Variants in ADAM7 observed in about 807,000 individuals in gnomAD.
The protein encoded by ADAM7 is disintegrin and metalloproteinase domain-containing protein 7.
A neutral mutation model predicts 102.9 loss-of-function variants in ADAM7; 97 were observed. That is an observed-to-expected ratio of 0.94 (90% confidence interval 0.80 to 1.12). The LOEUF is 1.12. Ranked by LOEUF, ADAM7 falls within the 50% of genes most tolerant of loss-of-function variation. The probability of loss-of-function intolerance (pLI) is 0.00; values close to 1 mark genes in which losing one functional copy is unlikely to be tolerated. For synonymous variants in ADAM7, 334 were observed against 304.4 expected, an observed-to-expected ratio of 1.10 and a Z score of -1.01; for missense variants, 991 against 908.7, an observed-to-expected ratio of 1.09 and a Z score of -1.16.
intron 8 of ADAM7, among the ~76,000 whole-genome samples, chr8:24,476,929 C>T (rs1488804806): frequency 6.6e-6 from 1 of 152,040 alleles, no homozygotes; most frequent in Non-Finnish European, 1.5e-5. Context: ...CTTAATTTGT[C>T]TAAATTAGAA....
intron 7 of ADAM7, among the ~76,000 whole-genome samples, chr8:24,473,106 G>A (rs904290585): frequency 6.6e-6 from 1 of 152,016 alleles, no homozygotes; most frequent in Non-Finnish European, 1.5e-5. Flanking sequence ...CCTCAGATTC[G>A]TTTAGTGGCA....
At chr8:24,499,740 CAGTT>C (rs909328647) in intron 17 of ADAM7, among the ~76,000 whole-genome samples, 2 of 151,832 alleles carry the variant, frequency 1.3e-5, no homozygotes, top group Non-Finnish European at 1.5e-5. Flanking sequence ...CAATTACTAA[CAGTT>C]AGTGCCTAAC....
At position 24,506,283 on chromosome 8, in the gene ADAM7, G is replaced by A. The variant is rs909852697; in HGVS notation, c.2209-1197G>A. 52 of 743,998 alleles carry A rather than the reference G, an allele frequency of 7.0e-5. No individual in the cohort carries two copies. The East Asian group carries it at 8.8e-4, about 13-fold the overall frequency. The allele number at this position is 743,998 out of a possible 1,614,324, so 46.1% of individuals were successfully genotyped here. A position where few individuals can be genotyped will look rare whatever the true frequency, so the allele number is the denominator to read the frequency against. On this transcript the variant is annotated intron_variant, in intron 20 of 21. Coordinates refer to ENST00000175238, the MANE Select transcript of ADAM7 (RefSeq NM_003817.4). ...ATATAACATCGATAGCTCTCTGATC[G>A]GAGGTAGAAATGGGACACTCTGACA...
chr8:24,491,806 A>T, intron 13 of ADAM7, 97 bp from the exon 14 acceptor site: 1 of 1,033,870 alleles, frequency 9.7e-7, no homozygotes, highest in Non-Finnish European at 1.4e-6. Context: ...CATCCTTAAA[A>T]CCTTTTTTGG....
chr8:24,496,307 G>A (rs1820550835), intron 16 of ADAM7, among the ~76,000 whole-genome samples: 1 of 152,252 alleles, frequency 6.6e-6, no homozygotes, highest in African/African-American at 2.4e-5. Flanking sequence ...AAAGTTTGCT[G>A]CAGGGGCGGG....
At chr8:24,500,998 T>C in intron 19 of ADAM7, 103 bp downstream of exon 19, 1 of 936,016 alleles carries the variant, frequency 1.1e-6, no homozygotes, top group Non-Finnish European at 1.6e-6. Context: ...TATAAGCTTC[T>C]TACTGAAGAT....
In ADAM7 at chr8:24,466,790, T is replaced by A; in HGVS notation, c.390-9T>A. 3 of 1,607,334 alleles carry A rather than the reference T, an allele frequency of 1.9e-6. No homozygotes were observed. Among genetic ancestry groups the A allele is most frequent in the Non-Finnish European group, 2.5e-6 (3 of 1,177,804 alleles). On this transcript the variant is annotated splice_polypyrimidine_tract_variant and intron_variant, in intron 5 of 21. Transcript: ENST00000175238. ...CCTTGAATACAAATTGTGTTCCCAA[T>A]TTCTACAGGGGATTCTTCAGAATAA...
rs546509605 is a variant in ADAM7, at chr8:24,458,848, T to A, written c.234-5034T>A. Among the ~76,000 whole-genome samples, 7 of 152,196 alleles carry A rather than the reference T, an allele frequency of 4.6e-5. No homozygotes were observed. In the East Asian group the frequency reaches 1.2e-3, roughly 25 times the overall value. ...GTTTTTTGCAAGTATTCTGTCTGAA[T>A]CCATTGAAATGTCGATATGGCAGTG... is the stretch of plus-strand genomic sequence containing the variant. On this transcript the variant is annotated intron_variant, in intron 3 of 21. Coordinates refer to ENST00000175238, the MANE Select transcript of ADAM7 (RefSeq NM_003817.4).
chr8:24,492,193 T>C, intron 14 of ADAM7, 95 bp downstream of exon 14: 6 of 1,210,656 alleles, frequency 5.0e-6, no homozygotes, highest in South Asian at 3.0e-5. Flanking sequence ...AGATATAATG[T>C]CATTTGTGGC....
intron 12 of ADAM7, among the ~76,000 whole-genome samples, chr8:24,489,959 C>T (rs951344287): frequency 1.3e-5 from 2 of 152,128 alleles, no homozygotes; most frequent in Non-Finnish European, 2.9e-5. Context: ...AGATGAATCA[C>T]CAGGGGACAT....
Position 24,487,297 on chromosome 8 carries a change from C to T in ADAM7, c.1071C>T (p.Cys357=), listed in dbSNP as rs762131594. The T allele has an allele frequency of 5.7e-5, 92 of 1,613,326 alleles. No homozygotes were observed. Among genetic ancestry groups the T allele is most frequent in the Non-Finnish European group, 7.2e-5 (85 of 1,179,652 alleles). Residue 357 remains cysteine, a synonymous_variant, in exon 11 of 22, where the codon TGC becomes TGT. Transcript: ENST00000175238. ...EFPCTCPSGK[C]VMDSDGSIPA... Reference sequence around the variant, plus strand: ...CATGCACCTGTCCTTCAGGAAAATGCGTGATGGACAGTGATGGAAGGTGAG... The same window carrying T: ...CATGCACCTGTCCTTCAGGAAAATGTGTGATGGACAGTGATGGAAGGTGAG...
chr8:24,456,868 G>A (rs1819054573), intron 3 of ADAM7, among the ~76,000 whole-genome samples: 3 of 152,136 alleles, frequency 2.0e-5, no homozygotes, highest in South Asian at 4.2e-4. Flanking sequence ...TAGACATGTG[G>A]GCTGTTTTCA....
chr8:24,483,371 A>C (rs538415734), intron 9 of ADAM7, among the ~76,000 whole-genome samples: 5 of 152,182 alleles, frequency 3.3e-5, no homozygotes, highest in Non-Finnish European at 7.3e-5. Context: ...TCTCTTCTGA[A>C]GCCCTTAAAG....
At chr8:24,502,824 A>G (rs1366801637) in intron 20 of ADAM7, among the ~76,000 whole-genome samples, 2 of 152,088 alleles carry the variant, frequency 1.3e-5, no homozygotes, top group African/African-American at 4.8e-5. Flanking sequence ...TTCTACATAA[A>G]CTTTCCAGAT....
chr8:24,508,362 G>A (rs1402096231), intron 21 of ADAM7, among the ~76,000 whole-genome samples, 184 bp from the exon 22 acceptor site: 7 of 152,110 alleles, frequency 4.6e-5, no homozygotes, highest in Admixed American at 4.6e-4. Context: ...TTCATAATAG[G>A]CCTATTTATT....
intron 21 of ADAM7, among the ~76,000 whole-genome samples, chr8:24,507,938 T>A (rs1048801626): frequency 6.6e-6 from 1 of 152,198 alleles, no homozygotes; most frequent in African/African-American, 2.4e-5. Flanking sequence ...TCATGATTCC[T>A]TTTTTAGATT....
At position 24,473,100 on chromosome 8, in the gene ADAM7, A is replaced by G. The variant is rs368336749; in HGVS notation, c.634-3333A>G. Among the ~76,000 whole-genome samples, 17 of 152,312 alleles carry G rather than the reference A, an allele frequency of 1.1e-4. No individual in the cohort carries two copies. In the East Asian group the frequency reaches 3.3e-3, roughly 29 times the overall value. On this transcript the variant is annotated intron_variant, in intron 7 of 21. Transcript: ENST00000175238. ...AGCAAATAAAGACACCAGGAGCCTC[A>G]GATTCGTTTAGTGGCAAATTTTACC...
intron 2 of ADAM7, among the ~76,000 whole-genome samples, 184 bp downstream of exon 2, chr8:24,442,760 T>TA (rs1214658315): frequency 6.6e-6 from 1 of 152,050 alleles, no homozygotes; most frequent in Admixed American, 6.5e-5. Context: ...CAGAAAAGAG[T>TA]AAAGCCTGGG....
intron 12 of ADAM7, among the ~76,000 whole-genome samples, chr8:24,489,563 C>T (rs923493391): frequency 6.6e-6 from 1 of 152,144 alleles, no homozygotes; most frequent in South Asian, 2.1e-4. Flanking sequence ...AGATCAGCAG[C>T]ATCAGCTTTC....
Sources: allele counts gnomAD v4.1 joint callset (sites outside exome capture counted in the v4.1 genomes callset), GRCh38; gene constraint gnomAD v4.1.1; transcripts MANE v1.5; gene names NCBI Gene and HGNC (gene_info 2026-07-23, HGNC 2026-07-21).